Variants in ABLIM1 observed in about 807,000 individuals in gnomAD.
ABLIM1 encodes the protein actin binding LIM protein 1.
Under a neutral mutation model 107.0 loss-of-function variants are expected in ABLIM1, and 40 were observed. The observed-to-expected ratio is 0.37, with a 90% CI of 0.29 to 0.49. The LOEUF is 0.49. Ranked by LOEUF, ABLIM1 falls within the 20% of genes least tolerant of loss-of-function variation. The pLI is 0.97. For synonymous variants in ABLIM1, 357 were observed against 357.3 expected (o/e 1.00, Z 0.01); for missense variants, 857 against 1,008.5 (o/e 0.85, Z 2.04).
At position 114,431,237 on chromosome 10, in the gene ABLIM1, C is replaced by G. The variant is rs1166285943; in HGVS notation, c.*5023G>C. 6.6e-6 allele frequency: 1 copy of G among 152,410 alleles called. No individual in the cohort carries two copies. The highest frequency in any genetic ancestry group is 1.5e-5 in the Non-Finnish European group (1 of 68,178). 9.4% of individuals were successfully genotyped at this position (152,410 alleles called of 1,614,324 possible). A position where few individuals can be genotyped will look rare whatever the true frequency, so the allele number is the denominator to read the frequency against. ...GGGGAGCAGGTAGGGATCACAGGCACAGCAGCGCGGAGCCGGCAGGGCCAC... is the reference window on the plus strand; with the variant it reads ...GGGGAGCAGGTAGGGATCACAGGCAGAGCAGCGCGGAGCCGGCAGGGCCAC... On this transcript the variant is annotated 3_prime_UTR_variant, in exon 23 of 23. Transcript: ENST00000533213.
intron 1 of ABLIM1, among the ~76,000 whole-genome samples, chr10:114,628,453 A>G (rs1433066836): frequency 6.6e-6 from 1 of 152,200 alleles, no homozygotes; most frequent in Non-Finnish European, 1.5e-5. Flanking sequence ...TTGCTCTAGA[A>G]AAAGTACTTG....
At chr10:114,547,592 GA>G in intron 5 of ABLIM1, 57 bp downstream of exon 5, 3 of 1,603,252 alleles carry the variant, frequency 1.9e-6, no homozygotes, top group Non-Finnish European at 2.6e-6. Context: ...AGGACCTGCA[GA>G]AGAACCACAA....
At chr10:114,710,383 A>C (rs2081522879) in intron 1 of ABLIM1, among the ~76,000 whole-genome samples, 4 of 152,322 alleles carry the variant, frequency 2.6e-5, no homozygotes, top group Middle Eastern at 3.4e-3. Flanking sequence ...AGCAAGGGAT[A>C]TCTTACATGG....
the ABLIM1 span, among the ~76,000 whole-genome samples, chr10:114,783,532 G>A: frequency 7.2e-5 from 11 of 152,190 alleles, no homozygotes; most frequent in African/African-American, 2.7e-4. Flanking sequence ...ATCATTTATG[G>A]AGCTAGCGCA....
At chr10:114,790,355 GAAC>G in the ABLIM1 span, among the ~76,000 whole-genome samples, 1 of 151,262 alleles carries the variant, frequency 6.6e-6, no homozygotes, top group East Asian at 1.9e-4. Flanking sequence ...AAACTAGTGA[GAAC>G]ACACAACTTA....
intron 10 of ABLIM1, among the ~76,000 whole-genome samples, chr10:114,471,883 A>G (rs1349638423): frequency 6.6e-6 from 1 of 152,162 alleles, no homozygotes; most frequent in Non-Finnish European, 1.5e-5. Context: ...ATCAGTCTAC[A>G]GATGATTCTA....
At chr10:114,646,996 A>G (rs1271534249) in intron 1 of ABLIM1, among the ~76,000 whole-genome samples, 1 of 151,952 alleles carries the variant, frequency 6.6e-6, no homozygotes, top group Non-Finnish European at 1.5e-5. Context: ...ATTAATTAAT[A>G]TTTATTTATT....
exon 1 of ABLIM1, chr10:114,684,299 C>T (rs1466365408): frequency 1.9e-6 from 3 of 1,613,558 alleles, no homozygotes; most frequent in African/African-American, 1.3e-5. Context: ...CCTTTGTAGT[C>T]TCCCATGGTG....
chr10:114,443,956 A>C, intron 17 of ABLIM1, 73 bp downstream of exon 17: 1 of 1,217,362 alleles, frequency 8.2e-7, no homozygotes, highest in Middle Eastern at 2.0e-4. Flanking sequence ...CCACAAGTGA[A>C]CAGTCAAGGC....
chr10:114,447,567 C>A (rs893684648), intron 15 of ABLIM1, among the ~76,000 whole-genome samples: 9 of 152,172 alleles, frequency 5.9e-5, no homozygotes, highest in Non-Finnish European at 1.0e-4. Context: ...GGCTTTCACT[C>A]AACTATGTTC....
intron 6 of ABLIM1, among the ~76,000 whole-genome samples, chr10:114,533,184 C>G (rs1413498168): frequency 1.3e-5 from 2 of 151,822 alleles, no homozygotes; most frequent in Non-Finnish European, 2.9e-5. Context: ...TAGTAAAAAA[C>G]ACAAAAATTA....
chr10:114,691,185 CTA>C (rs1566243777), intron 1 of ABLIM1, among the ~76,000 whole-genome samples: 1 of 152,142 alleles, frequency 6.6e-6, no homozygotes, highest in Non-Finnish European at 1.5e-5. Flanking sequence ...ACTCGGATCT[CTA>C]TGTCTTGATC....
At chr10:114,794,754 A>G in the ABLIM1 span, among the ~76,000 whole-genome samples, 1 of 152,236 alleles carries the variant, frequency 6.6e-6, no homozygotes, top group Non-Finnish European at 1.5e-5. Context: ...GGAAAGTGCT[A>G]AAATGTCAAG....
chr10:114,457,389 C>A (rs1442384045), intron 12 of ABLIM1, among the ~76,000 whole-genome samples: 1 of 152,098 alleles, frequency 6.6e-6, no homozygotes, highest in African/African-American at 2.4e-5. Context: ...CCTGCCTCAG[C>A]CTCCCAAGTA....
In ABLIM1 at chr10:114,683,403, C is replaced by T. The variant is rs906862113; in HGVS notation, c.64+887G>A. 3.9e-5 allele frequency among the ~76,000 whole-genome samples: 6 copies of T among 152,180 alleles called. 1 individual carries two copies. The highest frequency in any genetic ancestry group is 7.4e-5 in the Non-Finnish European group (5 of 68,026). ...GAGAAAACTGTGTGGCATAAAAAGCCACCATGAATTATTCATCAGTTACAG... is the reference window on the plus strand; with the variant it reads ...GAGAAAACTGTGTGGCATAAAAAGCTACCATGAATTATTCATCAGTTACAG... On this transcript the variant is annotated intron_variant, in intron 1 of 23. Coordinates refer to the ABLIM1 transcript ENST00000369256.
rs144414427 is a variant in ABLIM1, at chr10:114,619,437, T to G, written c.245-17476A>C. 1.7e-3 allele frequency among the ~76,000 whole-genome samples: 264 copies of G among 152,276 alleles called. 4 individuals are homozygous for G. In the East Asian group the frequency reaches 0.044, roughly 25 times the overall value. On this transcript the variant is annotated intron_variant, in intron 1 of 22. Transcript: ENST00000533213. This position sits in a 1 kb window ranked among gnomAD's most constrained non-coding sequence, Gnocchi z 4.1. ...GTCTCGAACTCCTGACCTCAAACAA[T>G]TCACCTGCCTTGGCCTCCCAAAGTG...
intron 4 of ABLIM1, among the ~76,000 whole-genome samples, chr10:114,557,665 T>A (rs1422148147): frequency 8.3e-6 from 1 of 120,106 alleles, no homozygotes; most frequent in Non-Finnish European, 1.6e-5. Flanking sequence ...AGCTCCATAG[T>A]GAGGTGTTTT....
Position 114,657,983 on chromosome 10 carries a change from C to A in ABLIM1, c.218G>T (p.Arg73Leu). The change falls in exon 1 of 23, where the codon CGT becomes CTT. Residue 73 changes from arginine (R) to leucine (L), a missense_variant. Physicochemically the swap from Arg to Leu is moderately radical, Grantham distance 102 (BLOSUM62 -2). Coordinates refer to ENST00000533213, the MANE Select transcript of ABLIM1 (RefSeq NM_002313.7). ...AAAAGGATCAACGCTGTTACATACA[C>A]GCCCACGTGGGCAGTAGTCCTTGGG... The part of the protein sequence containing the change: ...LCPKDYCPRG[R>L]VCNSVDPFVA... 1.2e-6 allele frequency: 2 copies of A among 1,613,828 alleles called. No homozygotes were observed. Among genetic ancestry groups the A allele is most frequent in the Non-Finnish European group, 1.7e-6 (2 of 1,179,760 alleles).
intron 6 of ABLIM1, among the ~76,000 whole-genome samples, chr10:114,541,134 C>T (rs867737): frequency 0.016 from 2,390 of 152,170 alleles, 79 homozygotes; most frequent in African/African-American, 0.055. Flanking sequence ...TCAAGCAACA[C>T]ACAGAGCCAT....
Sources: allele counts gnomAD v4.1 joint callset (sites outside exome capture counted in the v4.1 genomes callset), GRCh38; gene constraint gnomAD v4.1.1; non-coding constraint Gnocchi (gnomAD v3.1); transcripts MANE v1.5; gene names NCBI Gene and HGNC (gene_info 2026-07-23, HGNC 2026-07-21).